The following PRSS58 variants were observed in gnomAD, a reference collection of about 807,000 sequenced individuals.
The protein encoded by PRSS58 is serine protease 58.
PRSS58 carries 31 observed loss-of-function variants against 25.0 expected under a neutral mutation model. The ratio of observed to expected loss-of-function variants is 1.24; its 90% CI spans 0.93 to 1.67. The LOEUF is 1.67. Among genes scored for constraint, PRSS58 ranks in the 40% most tolerant of loss-of-function variants. The probability of loss-of-function intolerance (pLI) is 0.00; values close to 1 mark genes in which losing one functional copy is unlikely to be tolerated. For missense variants in PRSS58, 324 were observed against 287.9 expected (o/e 1.13, Z -0.91); for synonymous variants, 119 against 106.1 (o/e 1.12, Z -0.75).
chr7:142,254,114 A>G (rs1798514567), intron 4 of PRSS58, among the ~76,000 whole-genome samples: 1 of 152,152 alleles, frequency 6.6e-6, no homozygotes, highest in African/African-American at 2.4e-5. Context: ...ATACTATGGT[A>G]TCTAGTGTAT....
At chr7:142,254,943 G>A in intron 4 of PRSS58, 112 bp downstream of exon 4, 1 of 1,077,322 alleles carries the variant, frequency 9.3e-7, no homozygotes, top group East Asian at 2.4e-5. Flanking sequence ...GAAAAGGAAA[G>A]GGGGGAAAGA....
chr7:142,256,271 G>A (rs145104617), intron 2 of PRSS58, among the ~76,000 whole-genome samples: 1 of 152,152 alleles, frequency 6.6e-6, no homozygotes, highest in Admixed American at 6.5e-5. Context: ...AAGATATTCA[G>A]TAATAATAAA....
At chr7:142,257,895 A>G in intron 1 of PRSS58, 96 bp downstream of exon 1, 1 of 598,696 alleles carries the variant, frequency 1.7e-6, no homozygotes, top group Non-Finnish European at 3.0e-6. Flanking sequence ...CATCTGTCAG[A>G]GAGACAAGAA....
chr7:142,257,986 A>T lies in PRSS58; in HGVS notation c.-42+5T>A, dbSNP rs537399519. 1.2e-4 allele frequency: 50 copies of T among 430,990 alleles called. No individual in the cohort carries two copies. Among genetic ancestry groups the T allele is most frequent in the African/African-American group, 8.6e-4 (43 of 50,270 alleles). 26.7% of individuals were successfully genotyped at this position (430,990 alleles called of 1,614,324 possible). A position where few individuals can be genotyped will look rare whatever the true frequency, so the allele number is the denominator to read the frequency against. Reference sequence around the variant, plus strand: ...TCTGCCCTCTGTCTTCAGGGAAGAAAGTACCAAAGCTAAGTTGAAGTTCAT... The same window carrying T: ...TCTGCCCTCTGTCTTCAGGGAAGAATGTACCAAAGCTAAGTTGAAGTTCAT... On this transcript the variant is annotated splice_donor_5th_base_variant and intron_variant, in intron 1 of 5. Coordinates refer to ENST00000547058, the MANE Select transcript of PRSS58 (RefSeq NM_001001317.5).
intron 4 of PRSS58, among the ~76,000 whole-genome samples, chr7:142,253,779 G>A (rs1171056720): frequency 1.4e-5 from 2 of 145,056 alleles, no homozygotes; most frequent in Non-Finnish European, 3.0e-5. Context: ...ATCAAAATAA[G>A]ATGCATTTTT....
At chr7:142,257,562 T>C (rs1798578631) in intron 2 of PRSS58, 106 bp downstream of exon 2, 1 of 993,864 alleles carries the variant, frequency 1.0e-6, no homozygotes, top group South Asian at 1.4e-5. Context: ...CAGAGGACCA[T>C]CCTACACTTG....
In PRSS58 at chr7:142,252,551, C is replaced by T. The variant is rs143342567; in HGVS notation, c.497G>A (p.Arg166His). Residue 166 changes from arginine to histidine, a missense_variant, in exon 5 of 6, where the codon CGC becomes CAC. Transcript: ENST00000547058. Reference protein sequence around the residue: ...NISVISKPQCRDAYKTYNITE... With the variant: ...NISVISKPQCHDAYKTYNITE... ...GATGTTGTAGGTTTTATAGGCATCG[C>T]GACACTGAGGCTTGGAGATTACAGA... 4,595 of 1,614,118 alleles carry T rather than the reference C, an allele frequency of 2.8e-3. 15 individuals carry two copies. Among genetic ancestry groups the T allele is most frequent in the South Asian group, 4.3e-3 (393 of 91,068 alleles).
rs1798530753 is a variant in PRSS58, at chr7:142,255,083, A to G, written c.408T>C (p.Ser136=). 1.2e-6 allele frequency: 2 copies of G among 1,613,928 alleles called. No individual in the cohort carries two copies. Among genetic ancestry groups the G allele is most frequent in the Admixed American group, 1.7e-5 (1 of 59,994 alleles). The change falls in exon 4 of 6, where the codon TCT becomes TCC. Residue 136 remains serine (S), a synonymous_variant. Coordinates refer to ENST00000547058, the MANE Select transcript of PRSS58 (RefSeq NM_001001317.5). The part of the protein sequence containing the change: ...TISENTMCSV[S]TWSYNVCDIY... ...TATCACACACATTGTAGCTCCAGGT[A>G]GAGACAGAGCACATGGTATTTTCAG... is the stretch of plus-strand genomic sequence containing the variant.
intron 2 of PRSS58, among the ~76,000 whole-genome samples, chr7:142,256,800 G>A (rs896361845): frequency 2.0e-5 from 3 of 152,016 alleles, no homozygotes; most frequent in Non-Finnish European, 2.9e-5. Flanking sequence ...TAACTTCATG[G>A]GCAATGTTGA....
Position 142,252,596 on chromosome 7 carries a change from G to GA in PRSS58, c.451dup (p.Ser151PhefsTer20), listed in dbSNP as rs777845726. 14 of 1,612,414 alleles carry GA rather than the reference G, an allele frequency of 8.7e-6. No homozygotes were observed. The Admixed American group carries it at 2.2e-4, about 25-fold the overall frequency. ...TACAGAGATGTTCACAGTTTGCAGT[G>GA]AATCGGGCTCTTTGTCTAAAGAAAA... On this transcript the variant is annotated frameshift_variant, in exon 5 of 6. Transcript: ENST00000547058. LOFTEE classifies it high-confidence loss of function.
intron 2 of PRSS58, 39 bp downstream of exon 2, chr7:142,257,629 C>T (rs752401431): frequency 6.4e-7 from 1 of 1,565,316 alleles, no homozygotes; most frequent in Non-Finnish European, 8.8e-7. Context: ...CCCAGGATTT[C>T]TCTTTGGTGG....
intron 2 of PRSS58, 114 bp downstream of exon 2, chr7:142,257,554 G>A: frequency 1.1e-6 from 1 of 923,490 alleles, no homozygotes. Flanking sequence ...GAGAGGGACA[G>A]AGGACCATCC....
chr7:142,254,447 A>G (rs1439778488), intron 4 of PRSS58, among the ~76,000 whole-genome samples: 1 of 152,210 alleles, frequency 6.6e-6, no homozygotes, highest in Admixed American at 6.5e-5. Flanking sequence ...AATTATGTAT[A>G]GAAAACTTCC....
chr7:142,254,584 A>G (rs761646940), intron 4 of PRSS58, among the ~76,000 whole-genome samples: 17 of 152,200 alleles, frequency 1.1e-4, no homozygotes, highest in Non-Finnish European at 1.8e-4. Context: ...ATCTTTATTA[A>G]AATCTTACAT....
chr7:142,255,405 G>A (rs1798538671), intron 3 of PRSS58, 94 bp from the exon 4 acceptor site: 1 of 1,572,288 alleles, frequency 6.4e-7, no homozygotes, highest in Admixed American at 1.7e-5. Context: ...ACCTTTTTCT[G>A]TACCCTCGTA....
chr7:142,257,550 G>A (rs1210004275), intron 2 of PRSS58, 118 bp downstream of exon 2: 1 of 891,758 alleles, frequency 1.1e-6, no homozygotes, highest in Non-Finnish European at 1.9e-6. Context: ...AGTGGAGAGG[G>A]ACAGAGGACC....
chr7:142,257,933 A>T, intron 1 of PRSS58, 58 bp downstream of exon 1: 1 of 524,780 alleles, frequency 1.9e-6, no homozygotes, highest in South Asian at 3.1e-5. Context: ...TCCCCAATAC[A>T]GTTGAAAATG....
chr7:142,257,541 G>T, intron 2 of PRSS58, 127 bp downstream of exon 2: 2 of 826,034 alleles, frequency 2.4e-6, no homozygotes, highest in South Asian at 1.6e-5. Context: ...GAACGGGGCA[G>T]TGGAGAGGGA....
chr7:142,256,663 G>A (rs935521099), intron 2 of PRSS58, among the ~76,000 whole-genome samples: 6 of 152,056 alleles, frequency 3.9e-5, no homozygotes, highest in African/African-American at 1.2e-4. Flanking sequence ...GTCTTGATAT[G>A]TTGCCCAGGC....
Sources: gnomAD v4.1 joint callset for allele counts (sites outside exome capture counted in the v4.1 genomes callset) on GRCh38, gnomAD v4.1.1 for gene constraint, MANE v1.5 for transcripts, NCBI Gene and HGNC (gene_info 2026-07-23, HGNC 2026-07-21) for gene names.